Variants in FNDC3B observed in about 807,000 individuals in gnomAD.
The protein encoded by FNDC3B is fibronectin type III domain-containing protein 3B.
Under a neutral mutation model 151.5 loss-of-function variants are expected in FNDC3B, and 12 were observed. The observed-to-expected ratio is 0.08, with a 90% CI of 0.05 to 0.13. The LOEUF is 0.13. FNDC3B is among the 10% of genes least tolerant of loss of function. The pLI is 1.00. For synonymous variants in FNDC3B, 528 were observed against 549.0 expected (o/e 0.96, Z 0.54); for missense variants, 1,214 against 1,505.3 (o/e 0.81, Z 3.20).
chr3:172,045,946 A>C (rs1233382977), intron 1 of FNDC3B, among the ~76,000 whole-genome samples: 1 of 152,130 alleles, frequency 6.6e-6, no homozygotes, highest in Non-Finnish European at 1.5e-5. Flanking sequence ...ATGGTAGTTG[A>C]GCACTTTGCA....
At chr3:172,122,063 A>C (rs976218593) in intron 2 of FNDC3B, among the ~76,000 whole-genome samples, 1 of 152,236 alleles carries the variant, frequency 6.6e-6, no homozygotes, top group East Asian at 1.9e-4. Flanking sequence ...TTCTGCATCC[A>C]GAATGTGTTA....
At chr3:172,305,861 C>T (rs1339025384) in intron 9 of FNDC3B, among the ~76,000 whole-genome samples, 1 of 152,132 alleles carries the variant, frequency 6.6e-6, no homozygotes, top group Admixed American at 6.5e-5. Flanking sequence ...GGGAAATGAT[C>T]TTACCAGATC....
At chr3:172,390,437 A>G (rs1176339283) in intron 25 of FNDC3B, among the ~76,000 whole-genome samples, 2 of 152,124 alleles carry the variant, frequency 1.3e-5, no homozygotes, top group Non-Finnish European at 2.9e-5. Flanking sequence ...CTTCCAGTCT[A>G]CAAAGTTAAA....
At chr3:172,073,048 G>A (rs1560394380) in intron 1 of FNDC3B, among the ~76,000 whole-genome samples, 1 of 152,160 alleles carries the variant, frequency 6.6e-6, no homozygotes, top group South Asian at 2.1e-4. Context: ...GCAGGTATTG[G>A]ACCATAGCCA....
At chr3:172,341,061 A>G in intron 16 of FNDC3B, 52 bp from the exon 17 acceptor site, 1 of 1,193,768 alleles carries the variant, frequency 8.4e-7, no homozygotes, top group Non-Finnish European at 1.3e-6. Context: ...AATGGCTGAT[A>G]TGCTACATTT....
rs778098677 is a variant in FNDC3B, at chr3:172,352,866, G to A, written c.2578G>A (p.Ala860Thr). 6.2e-7 allele frequency: 1 copy of A among 1,614,172 alleles called. No individual in the cohort carries two copies. The highest frequency in any genetic ancestry group is 1.7e-5 in the Admixed American group (1 of 60,026). The change falls in exon 22 of 26, where the codon GCC becomes ACC. Residue 860 changes from alanine (A) to threonine (T), a missense_variant. Coordinates refer to ENST00000415807, the MANE Select transcript of FNDC3B (RefSeq NM_022763.4). This position sits in a 1 kb window ranked among gnomAD's most constrained non-coding sequence, Gnocchi z 4.2. ...TGTCCTTTGCCAGACGCCAGCGTCT[G>A]CCCCTGACCCCGTCTCCACTCTCTG... Reference protein sequence around the residue: ...ELVLCQTPASAPDPVSTLCVL... With the variant: ...ELVLCQTPASTPDPVSTLCVL...
intron 3 of FNDC3B, among the ~76,000 whole-genome samples, chr3:172,158,579 A>G (rs979879394): frequency 2.6e-5 from 4 of 151,966 alleles, no homozygotes; most frequent in Admixed American, 6.6e-5. Context: ...TGGATATGTA[A>G]TTTGCAAATA....
intron 1 of FNDC3B, among the ~76,000 whole-genome samples, chr3:172,078,877 C>T (rs1718149718): frequency 6.6e-6 from 1 of 152,190 alleles, no homozygotes; most frequent in African/African-American, 2.4e-5. Context: ...AAAGGAAGTT[C>T]TCTTGGTGAT....
At chr3:172,283,302 A>G (rs903841939) in intron 6 of FNDC3B, among the ~76,000 whole-genome samples, 91 of 152,110 alleles carry the variant, frequency 6.0e-4, no homozygotes, top group African/African-American at 2.1e-3. Context: ...TGTTAAAAGC[A>G]TAACCATTTC....
chr3:172,102,965 T>G lies in FNDC3B; in HGVS notation c.-28-9487T>G, dbSNP rs1719446387. ...GTGACCAGGTTAGCTTGGGTATGTG[T>G]GAGAATAAGGGCTCATAGCTTTGGC... On this transcript the variant is annotated intron_variant, in intron 1 of 25. Coordinates refer to ENST00000415807, the MANE Select transcript of FNDC3B (RefSeq NM_022763.4). Among the ~76,000 whole-genome samples the G allele has an allele frequency of 2.0e-5, 3 of 152,268 alleles. No homozygotes were observed. The South Asian group carries it at 6.2e-4, about 32-fold the overall frequency.
In FNDC3B at chr3:172,330,805, T is replaced by C. The variant is rs1732612524; in HGVS notation, c.1554+90T>C. ...GCACCATGAAATTAGATTAACTGCA[T>C]CAGTTCAAAGCCAAACTCTTAATTT... On this transcript the variant is annotated intron_variant, in intron 13 of 25. Transcript: ENST00000415807. The C allele has an allele frequency of 2.9e-6, 3 of 1,035,198 alleles. No homozygotes were observed. The East Asian group carries it at 7.9e-5, about 27-fold the overall frequency. The allele number at this position is 1,035,198 out of a possible 1,614,324, so 64.1% of individuals were successfully genotyped here.
intron 1 of FNDC3B, among the ~76,000 whole-genome samples, chr3:172,105,163 C>T (rs182567270): frequency 2.8e-4 from 42 of 152,192 alleles, no homozygotes; most frequent in Non-Finnish European, 5.1e-4. Flanking sequence ...ACTGTCTGTC[C>T]TTGTGACTGA....
At chr3:172,186,688 T>G (rs781202479) in intron 3 of FNDC3B, 7 of 698,318 alleles carry the variant, frequency 1.0e-5, no homozygotes, top group African/African-American at 1.8e-5. Flanking sequence ...TACCTCCCTA[T>G]CTTGATTTTT....
In FNDC3B at chr3:172,227,012, T is replaced by C. The variant is rs1039151620; in HGVS notation, c.264+65T>C. ...TGTCGTTGCTCCAACAGAATATATG[T>C]TGAGGCTTCAAAGCCATATTCCAGG... On this transcript the variant is annotated intron_variant, in intron 4 of 25. Transcript: ENST00000415807. 3.6e-6 allele frequency: 4 copies of C among 1,117,900 alleles called. No individual in the cohort carries two copies. The African/African-American group carries it at 6.1e-5, about 17-fold the overall frequency. The allele number at this position is 1,117,900 out of a possible 1,614,324, so 69.2% of individuals were successfully genotyped here. A position where few individuals can be genotyped will look rare whatever the true frequency, so the allele number is the denominator to read the frequency against.
chr3:172,173,978 A>T (rs1723417145), intron 3 of FNDC3B, among the ~76,000 whole-genome samples: 1 of 151,962 alleles, frequency 6.6e-6, no homozygotes, highest in South Asian at 2.1e-4. Context: ...TACGGGGAAA[A>T]CTCTCGAGTT....
intron 6 of FNDC3B, among the ~76,000 whole-genome samples, chr3:172,269,897 T>G (rs1254575646): frequency 6.6e-6 from 1 of 152,212 alleles, no homozygotes; most frequent in African/African-American, 2.4e-5. Flanking sequence ...TCCGCCCACC[T>G]CAGCCTCCCA....
chr3:172,311,900 A>G (rs1047253383), intron 11 of FNDC3B, among the ~76,000 whole-genome samples: 2 of 151,148 alleles, frequency 1.3e-5, no homozygotes, highest in Admixed American at 1.3e-4. Flanking sequence ...AAAAAAAAGC[A>G]ACTGTACTTT....
intron 1 of FNDC3B, among the ~76,000 whole-genome samples, chr3:172,084,868 CTTA>C (rs957565368): frequency 1.3e-5 from 2 of 152,154 alleles, no homozygotes; most frequent in African/African-American, 4.8e-5. Flanking sequence ...ACATAATTTA[CTTA>C]TTATGTTCAT....
chr3:172,381,002 A>C lies in FNDC3B; in HGVS notation c.3212A>C (p.Glu1071Ala), dbSNP rs760470464. Reference protein sequence around the residue: ...RVTQLEGNSCEILWETVPSMK... With the variant: ...RVTQLEGNSCAILWETVPSMK... ...ACACAGTTAGAAGGAAATTCATGTG[A>C]AATTTTATGGGAGACGGTACCATCA... The change falls in exon 25 of 26, where the codon GAA becomes GCA. Residue 1071 changes from glutamate to alanine, a missense_variant. Transcript: ENST00000415807. 6.2e-7 allele frequency: 1 copy of C among 1,613,794 alleles called. No individual in the cohort carries two copies. The highest frequency in any genetic ancestry group is 1.7e-5 in the Admixed American group (1 of 60,024).
Sources: allele counts gnomAD v4.1 joint callset (sites outside exome capture counted in the v4.1 genomes callset), GRCh38; gene constraint gnomAD v4.1.1; non-coding constraint Gnocchi (gnomAD v3.1); transcripts MANE v1.5; gene names NCBI Gene and HGNC (gene_info 2026-07-23, HGNC 2026-07-21).